Variants in DCTD observed in about 807,000 individuals in gnomAD.
DCTD encodes the protein dCMP deaminase.
DCTD carries 23 observed loss-of-function variants against 21.0 expected under a neutral mutation model. The ratio of observed to expected loss-of-function variants is 1.09; its 90% CI spans 0.79 to 1.55. The LOEUF is 1.55. Ranked by LOEUF, DCTD falls within the 40% of genes most tolerant of loss-of-function variation. The pLI is 0.00. For missense variants in DCTD, 224 were observed against 230.0 expected (o/e 0.97, Z 0.17); for synonymous variants, 71 against 81.1 (o/e 0.88, Z 0.67).
chr4:182,899,405 C>CTT (rs60007612), intron 3 of DCTD, among the ~76,000 whole-genome samples: 2 of 139,158 alleles, frequency 1.4e-5, no homozygotes, highest in Non-Finnish European at 3.0e-5. Flanking sequence ...TTTTCTTTTT[C>CTT]TTTTTTTTTT....
rs774550136 is a variant in DCTD, at chr4:182,893,119, C to T, written c.370G>A (p.Glu124Lys). ...TATTTATCAGACATGAAAATCACTT[C>T]TTTTATACCTGTAAGGTAACAATGG... The part of the protein sequence containing the change: ...AKLIIQAGIK[E>K]VIFMSDKYHD... Residue 124 changes from glutamate (E) to lysine (K), a missense_variant, in exon 5 of 6, where the codon GAA (glutamate) becomes AAA (lysine). By Grantham distance (56) the Glu-to-Lys change is moderately conservative. Transcript: ENST00000438320. 13 of 1,597,634 alleles carry T rather than the reference C, an allele frequency of 8.1e-6. No individual in the cohort carries two copies. Among genetic ancestry groups the T allele is most frequent in the Non-Finnish European group, 1.1e-5 (13 of 1,166,602 alleles).
chr4:182,898,125 G>A (rs993449269), intron 3 of DCTD, among the ~76,000 whole-genome samples: 2 of 152,152 alleles, frequency 1.3e-5, no homozygotes, highest in Admixed American at 6.5e-5. Flanking sequence ...TACTTGTGTC[G>A]ACTGGCCATC....
At position 182,891,299 on chromosome 4, in the gene DCTD, C is replaced by T; in HGVS notation, c.*100G>A. The stretch of plus-strand genomic sequence containing the variant: ...TCTTTAGATGCCTACTTTTGCCATA[C>T]TGGCTAGTAAGAAGTTATGTGTAAC... On this transcript the variant is annotated 3_prime_UTR_variant, in exon 6 of 6. Coordinates refer to ENST00000438320, the MANE Select transcript of DCTD (RefSeq NM_001921.3). 1 of 807,468 alleles carries T rather than the reference C, an allele frequency of 1.2e-6. No homozygotes were observed. Among genetic ancestry groups the T allele is most frequent in the Non-Finnish European group, 2.1e-6 (1 of 467,560 alleles). The allele number at this position is 807,468 out of a possible 1,614,324, so 50.0% of individuals were successfully genotyped here. A position where few individuals can be genotyped will look rare whatever the true frequency, so the allele number is the denominator to read the frequency against.
At chr4:182,894,989 G>C (rs569579915) in intron 3 of DCTD, among the ~76,000 whole-genome samples, 1 of 152,376 alleles carries the variant, frequency 6.6e-6, no homozygotes, top group Non-Finnish European at 1.5e-5. Flanking sequence ...GGGATTTTAA[G>C]AGCAAGAGAA....
intron 3 of DCTD, among the ~76,000 whole-genome samples, chr4:182,905,866 T>C (rs914027330): frequency 6.6e-6 from 1 of 152,172 alleles, no homozygotes; most frequent in African/African-American, 2.4e-5. Flanking sequence ...TGTCTAAATC[T>C]TCCTTGATCA....
rs1009606344 is a variant in DCTD at position 182,915,444 on chromosome 4, C to T, written c.108+17G>A. 8.7e-6 allele frequency: 13 copies of T among 1,495,802 alleles called. No homozygotes were observed. Among genetic ancestry groups the T allele is most frequent in the South Asian group, 1.1e-5 (1 of 88,706 alleles). 92.7% of individuals were successfully genotyped at this position (1,495,802 alleles called of 1,614,324 possible). ...TGCCTGTGAGTATCTAAGCATTCTC[C>T]CGTGAAATTCATTTACCTGGGAATT... On this transcript the variant is annotated intron_variant, in intron 2 of 5. Coordinates refer to ENST00000438320, the MANE Select transcript of DCTD (RefSeq NM_001921.3).
At chr4:182,907,541 T>C (rs1016351055) in intron 3 of DCTD, among the ~76,000 whole-genome samples, 5 of 152,198 alleles carry the variant, frequency 3.3e-5, no homozygotes, top group Admixed American at 6.5e-5. Context: ...CTCCTATTCA[T>C]GCATCCTATC....
intron 3 of DCTD, among the ~76,000 whole-genome samples, chr4:182,904,618 A>G (rs950837461): frequency 6.6e-6 from 1 of 152,066 alleles, no homozygotes; most frequent in African/African-American, 2.4e-5. Context: ...CAACCGCCCA[A>G]CTCGAGATTC....
chr4:182,892,178 C>T (rs570113578), intron 5 of DCTD, among the ~76,000 whole-genome samples: 324 of 152,274 alleles, frequency 2.1e-3, no homozygotes, highest in Non-Finnish European at 3.3e-3. Context: ...GGCCAGGGCA[C>T]GTCACCTATG....
chr4:182,900,277 C>G (rs1336939138), intron 3 of DCTD, among the ~76,000 whole-genome samples: 1 of 151,860 alleles, frequency 6.6e-6, no homozygotes, highest in Admixed American at 6.6e-5. Context: ...GTTTGCACCA[C>G]TGTACTCCAG....
At chr4:182,911,435 C>G (rs1280871580) in intron 3 of DCTD, 3 of 152,194 alleles carry the variant, frequency 2.0e-5, no homozygotes, top group Non-Finnish European at 2.9e-5. Context: ...ATGCCGGACA[C>G]AGGCCACCCC....
intron 3 of DCTD, among the ~76,000 whole-genome samples, chr4:182,900,134 G>A (rs1470090539): frequency 2.6e-5 from 4 of 152,092 alleles, no homozygotes; most frequent in African/African-American, 4.8e-5. Flanking sequence ...AGGCAACATA[G>A]TGACAGCTCA....
chr4:182,917,063 C>T lies in DCTD; in HGVS notation c.-8+248G>A. 1 of 987,120 alleles carries T rather than the reference C, an allele frequency of 1.0e-6. No homozygotes were observed. The highest frequency in any genetic ancestry group is 1.2e-6 in the Non-Finnish European group (1 of 831,150). 61.1% of individuals were successfully genotyped at this position (987,120 alleles called of 1,614,324 possible). ...CACCTCCCGGGGCACTCCAAGGGGC[C>T]CGGCCTCGCACAGGCCGCGGCGCCC... is the stretch of plus-strand genomic sequence containing the variant. On this transcript the variant is annotated intron_variant, in intron 1 of 5. Transcript: ENST00000438320. The surrounding 1 kb of genome is among the most constrained non-coding windows in gnomAD (Gnocchi z 4.9).
chr4:182,912,696 C>T (rs1737918983), intron 3 of DCTD, among the ~76,000 whole-genome samples: 1 of 152,204 alleles, frequency 6.6e-6, no homozygotes, highest in Non-Finnish European at 1.5e-5. Flanking sequence ...ACAAAATCAG[C>T]TACACGGGAA....
intron 3 of DCTD, among the ~76,000 whole-genome samples, chr4:182,908,203 A>T (rs979772638): frequency 2.0e-5 from 3 of 152,052 alleles, no homozygotes; most frequent in Admixed American, 6.6e-5. Flanking sequence ...ATTCCGGATT[A>T]AAAAAAACTC....
intron 5 of DCTD, among the ~76,000 whole-genome samples, chr4:182,892,229 G>A (rs1240455284): frequency 6.6e-6 from 1 of 152,112 alleles, no homozygotes; most frequent in African/African-American, 2.4e-5. Context: ...ACCATGAAGC[G>A]CTGGAAAACT....
At chr4:182,916,616 G>C (rs189000919) in intron 1 of DCTD, 1 of 996,886 alleles carries the variant, frequency 1.0e-6, no homozygotes, top group African/African-American at 1.7e-5. Flanking sequence ...ACATCTGAGA[G>C]GCCTGGCAAC....
At chr4:182,910,228 A>G (rs1014861094) in intron 3 of DCTD, among the ~76,000 whole-genome samples, 4 of 152,224 alleles carry the variant, frequency 2.6e-5, no homozygotes, top group Admixed American at 6.5e-5. Flanking sequence ...GCCCTTTGCC[A>G]GCAGAAATCA....
chr4:182,895,640 G>C (rs1359486645), intron 3 of DCTD, among the ~76,000 whole-genome samples: 1 of 152,308 alleles, frequency 6.6e-6, no homozygotes, highest in Non-Finnish European at 1.5e-5. Flanking sequence ...GCACACACCT[G>C]GGTTTGACTC....
Sources: allele counts gnomAD v4.1 joint callset (sites outside exome capture counted in the v4.1 genomes callset), GRCh38; gene constraint gnomAD v4.1.1; non-coding constraint Gnocchi (gnomAD v3.1); transcripts MANE v1.5; gene names NCBI Gene and HGNC (gene_info 2026-07-23, HGNC 2026-07-21).